Variants in ATP11A observed in about 807,000 individuals in gnomAD.
The protein encoded by ATP11A is ATPase phospholipid transporting 11A, also known as phospholipid-transporting ATPase IH.
ATP11A carries 81 observed loss-of-function variants against 154.4 expected under a neutral mutation model. The observed-to-expected ratio is 0.52, with a 90% CI of 0.44 to 0.63. ATP11A has a LOEUF of 0.63. ATP11A is among the 30% of genes least tolerant of loss of function. The probability of loss-of-function intolerance (pLI) is 0.00; values close to 1 mark genes in which losing one functional copy is unlikely to be tolerated. For missense variants in ATP11A, 1,316 were observed against 1,474.3 expected (o/e 0.89, Z 1.76); for synonymous variants, 623 against 585.9 (o/e 1.06, Z -0.91).
chr13:112,792,317 A>G (rs2077882579), intron 2 of ATP11A, among the ~76,000 whole-genome samples: 2 of 152,162 alleles, frequency 1.3e-5, no homozygotes. Context: ...TTAACAGCTC[A>G]GGATGTGTGA....
At chr13:112,763,261 C>T (rs1024188363) in intron 1 of ATP11A, among the ~76,000 whole-genome samples, 2 of 152,140 alleles carry the variant, frequency 1.3e-5, no homozygotes, top group Non-Finnish European at 2.9e-5. Context: ...AAGGGGACCC[C>T]AAGGAAATGG....
At chr13:112,845,639 A>AG (rs1332382046) in intron 17 of ATP11A, among the ~76,000 whole-genome samples, 2 of 105,692 alleles carry the variant, frequency 1.9e-5, no homozygotes, top group African/African-American at 1.2e-4. Context: ...TCCAGTTGCC[A>AG]GCACTAGCGG....
chr13:112,824,761 A>T (rs2078889804), intron 10 of ATP11A, among the ~76,000 whole-genome samples: 1 of 152,232 alleles, frequency 6.6e-6, no homozygotes, highest in South Asian at 2.1e-4. Context: ...TAACTCTGGG[A>T]TTTGGTCAAA....
In ATP11A at chr13:112,832,850, T is replaced by C. The variant is rs888746218; in HGVS notation, c.1396-10T>C. On this transcript the variant is annotated splice_polypyrimidine_tract_variant and intron_variant, in intron 13 of 29. Coordinates refer to ENST00000375645, the MANE Select transcript of ATP11A (RefSeq NM_015205.3). ...GTGATTTGGGGGTTCTGGGAACTGC[T>C]TTTTTATAGGAGCGCGAGGAGCTGT... 1 of 1,610,664 alleles carries C rather than the reference T, an allele frequency of 6.2e-7. No individual in the cohort carries two copies. The highest frequency in any genetic ancestry group is 8.5e-7 in the Non-Finnish European group (1 of 1,177,626).
In ATP11A at chr13:112,826,823, A is replaced by T; in HGVS notation, c.1153A>T (p.Met385Leu). 6.2e-7 allele frequency: 1 copy of T among 1,614,146 alleles called. No individual in the cohort carries two copies. Among genetic ancestry groups the T allele is most frequent in the Non-Finnish European group, 8.5e-7 (1 of 1,180,038 alleles). Residue 385 changes from methionine (M) to leucine (L), a missense_variant, in exon 12 of 30, where the codon ATG becomes TTG. Transcript: ENST00000375645. Reference sequence around the variant, plus strand: ...TTACTTCATCACCTGGGACGAAGACATGTTTGACGAGGAGACTGGCGAGGG... The same window carrying T: ...TTACTTCATCACCTGGGACGAAGACTTGTTTGACGAGGAGACTGGCGAGGG... Reference protein sequence around the residue: ...GSYFITWDEDMFDEETGEGPL... With the variant: ...GSYFITWDEDLFDEETGEGPL...
chr13:112,776,394 A>T (rs1348060422), intron 1 of ATP11A, among the ~76,000 whole-genome samples: 1 of 152,094 alleles, frequency 6.6e-6, no homozygotes, highest in African/African-American at 2.4e-5. Flanking sequence ...TAACGGGGAA[A>T]TGTGGGGAGG....
At chr13:112,693,465 C>T (rs149484496) in intron 1 of ATP11A, among the ~76,000 whole-genome samples, 11 of 131,044 alleles carry the variant, frequency 8.4e-5, no homozygotes, top group African/African-American at 2.7e-4. Context: ...GCTGTGGGTA[C>T]GGGGAGAGGG....
chr13:112,846,520 G>A (rs1039550256), intron 17 of ATP11A, among the ~76,000 whole-genome samples: 1 of 152,186 alleles, frequency 6.6e-6, no homozygotes, highest in Non-Finnish European at 1.5e-5. Context: ...GTGTGATAAC[G>A]ATTGCGGTGA....
chr13:112,787,059 C>A (rs1485726293), intron 2 of ATP11A, among the ~76,000 whole-genome samples: 1 of 148,480 alleles, frequency 6.7e-6, no homozygotes, highest in Non-Finnish European at 1.5e-5. Flanking sequence ...TTAATTCACA[C>A]CGGGTGTCCT....
At chr13:112,764,270 G>A (rs776901775) in intron 1 of ATP11A, among the ~76,000 whole-genome samples, 3 of 152,130 alleles carry the variant, frequency 2.0e-5, no homozygotes, top group Admixed American at 6.5e-5. Context: ...GCGGGGCCCC[G>A]GCCTGTTCCT....
At chr13:112,732,745 G>C (rs1890622112) in intron 1 of ATP11A, among the ~76,000 whole-genome samples, 1 of 152,102 alleles carries the variant, frequency 6.6e-6, no homozygotes, top group East Asian at 1.9e-4. Context: ...CCGAGTATCT[G>C]GGACTGCAGG....
Position 112,754,305 on chromosome 13 carries a change from C to T in ATP11A, c.40-30830C>T, listed in dbSNP as rs1349484317. ...CTTAGTGCCTCGGCTGATTCTTGGT[C>T]TTTGGAGACCTGGTCCCCAGTCCCA... On this transcript the variant is annotated intron_variant, in intron 1 of 29. Transcript: ENST00000375645. This position sits in a 1 kb window ranked among gnomAD's most constrained non-coding sequence, Gnocchi z 5.3. 2.6e-5 allele frequency among the ~76,000 whole-genome samples: 4 copies of T among 152,178 alleles called. No individual in the cohort carries two copies. The highest frequency in any genetic ancestry group is 1.9e-4 in the East Asian group (1 of 5,188).
intron 1 of ATP11A, among the ~76,000 whole-genome samples, chr13:112,769,565 C>A (rs1291087693): frequency 6.6e-6 from 1 of 152,224 alleles, no homozygotes; most frequent in Non-Finnish European, 1.5e-5. Flanking sequence ...CTCCCAACTT[C>A]CCCAGAGCCG....
chr13:112,852,763 T>C (rs2079803832), intron 18 of ATP11A, among the ~76,000 whole-genome samples: 1 of 131,154 alleles, frequency 7.6e-6, no homozygotes. Flanking sequence ...TGTAGAAGAG[T>C]GGAGAGTTAA....
chr13:112,803,591 G>A (rs531118258), intron 2 of ATP11A, among the ~76,000 whole-genome samples: 15 of 152,238 alleles, frequency 9.9e-5, no homozygotes, highest in African/African-American at 2.4e-4. Context: ...CTGGGACGTT[G>A]TTGTTTTCAA....
intron 16 of ATP11A, among the ~76,000 whole-genome samples, chr13:112,839,625 C>T (rs116825990): frequency 0.016 from 2,485 of 152,282 alleles, 68 homozygotes; most frequent in East Asian, 0.066. Flanking sequence ...CCTGTGTGTT[C>T]GGTTATGTCA....
chr13:112,712,930 C>T (rs937592232), intron 1 of ATP11A, among the ~76,000 whole-genome samples: 2 of 152,232 alleles, frequency 1.3e-5, no homozygotes, highest in African/African-American at 4.8e-5. Flanking sequence ...TTATAGCAGC[C>T]ATGCTGGAAC....
intron 25 of ATP11A, among the ~76,000 whole-genome samples, chr13:112,862,939 G>C (rs1490964475): frequency 6.8e-6 from 1 of 146,776 alleles, no homozygotes; most frequent in Non-Finnish European, 1.5e-5. Context: ...ATTCAGTGCA[G>C]GCCACGCAGC....
intron 1 of ATP11A, among the ~76,000 whole-genome samples, chr13:112,710,966 C>CACCG (rs1555304512): frequency 7.8e-6 from 1 of 128,732 alleles, no homozygotes; most frequent in East Asian, 2.2e-4. Flanking sequence ...CACCCGGAGC[C>CACCG]ACCCACCCAC....
Sources: gnomAD v4.1 joint callset for allele counts (sites outside exome capture counted in the v4.1 genomes callset) on GRCh38, gnomAD v4.1.1 for gene constraint, Gnocchi (gnomAD v3.1) non-coding constraint, MANE v1.5 for transcripts, NCBI Gene and HGNC (gene_info 2026-07-23, HGNC 2026-07-21) for gene names.